The following ADGRL2 variants were observed in gnomAD, a reference collection of about 807,000 sequenced individuals.
The protein encoded by ADGRL2 is calcium-independent alpha-latrotoxin receptor 2.
A neutral mutation model predicts 157.4 loss-of-function variants in ADGRL2; 44 were observed. The observed-to-expected ratio is 0.28, with a 90% CI of 0.22 to 0.36. The LOEUF (loss-of-function observed/expected upper bound fraction) is 0.36. ADGRL2 is among the 10% of genes least tolerant of loss of function. ADGRL2 has a pLI of 1.00. For synonymous variants in ADGRL2, 585 were observed against 624.7 expected, an observed-to-expected ratio of 0.94 and a Z score of 0.95; for missense variants, 1,510 against 1,768.9, an observed-to-expected ratio of 0.85 and a Z score of 2.63.
At chr1:81,540,317 TTA>T (rs1423125964) in intron 2 of ADGRL2, among the ~76,000 whole-genome samples, 4 of 152,206 alleles carry the variant, frequency 2.6e-5, no homozygotes, top group African/African-American at 9.6e-5. Context: ...AAAATTTACT[TTA>T]GATTTTTGTC....
rs56920139 is a variant in ADGRL2 at position 81,463,114 on chromosome 1, C to CAAAAA, written c.-248+18041_-248+18045dup. ...TGGGCAATAGAGTGAGACCATGTCT[C>CAAAAA]AAAAAAAAAAAAAAAAAAAAGAAAA... On this transcript the variant is annotated intron_variant, in intron 2 of 24. Transcript: ENST00000370721. Among the ~76,000 whole-genome samples, 52 of 93,544 alleles carry CAAAAA rather than the reference C, an allele frequency of 5.6e-4. 1 individual carries two copies. The highest frequency in any genetic ancestry group is 1.4e-3 in the East Asian group (4 of 2,934). 61.4% of individuals were successfully genotyped at this position (93,544 alleles called of 152,430 possible).
intron 1 of ADGRL2, among the ~76,000 whole-genome samples, chr1:81,327,477 C>T (rs1363385653): frequency 1.3e-5 from 2 of 152,148 alleles, no homozygotes; most frequent in African/African-American, 4.8e-5. Context: ...CTATCCAAAG[C>T]AGTCCCTGGT....
At chr1:81,309,875 A>G (rs896491810) in intron 1 of ADGRL2, among the ~76,000 whole-genome samples, 7 of 152,188 alleles carry the variant, frequency 4.6e-5, no homozygotes, top group African/African-American at 1.7e-4. Context: ...TAAAGTGCTC[A>G]GTAATGATGG....
At chr1:81,755,459 C>A (rs2085656148) in intron 1 of ADGRL2, among the ~76,000 whole-genome samples, 1 of 151,894 alleles carries the variant, frequency 6.6e-6, no homozygotes. Flanking sequence ...CATTTCAAGT[C>A]TTTTAAAGAA....
chr1:81,374,141 C>T (rs2076206205), intron 1 of ADGRL2, among the ~76,000 whole-genome samples: 1 of 152,094 alleles, frequency 6.6e-6, no homozygotes, highest in Admixed American at 6.5e-5. Flanking sequence ...GTAAGCTTAG[C>T]TATACATATA....
At chr1:81,627,598 G>A (rs958813391) in intron 3 of ADGRL2, among the ~76,000 whole-genome samples, 4 of 152,100 alleles carry the variant, frequency 2.6e-5, no homozygotes, top group Non-Finnish European at 4.4e-5. Flanking sequence ...CTATGAAGAA[G>A]CTGAGGCTCA....
At chr1:81,536,504 C>A (rs2079740791) in intron 2 of ADGRL2, among the ~76,000 whole-genome samples, 1 of 152,176 alleles carries the variant, frequency 6.6e-6, no homozygotes, top group Non-Finnish European at 1.5e-5. Context: ...TAAAACAAAG[C>A]ACTGAAATGG....
At chr1:81,586,055 A>C (rs1404596984) in intron 3 of ADGRL2, 4 of 152,070 alleles carry the variant, frequency 2.6e-5, no homozygotes, top group African/African-American at 9.7e-5. Context: ...ACCTTTTTTT[A>C]ATACCAGCTA....
chr1:81,770,256 G>A (rs776301489), intron 2 of ADGRL2, among the ~76,000 whole-genome samples: 5 of 142,094 alleles, frequency 3.5e-5, no homozygotes, highest in Non-Finnish European at 7.6e-5. Flanking sequence ...TCTGCCTCCC[G>A]GGTTTAAGCG....
At chr1:81,604,600 G>A (rs942690254) in intron 3 of ADGRL2, among the ~76,000 whole-genome samples, 5 of 152,160 alleles carry the variant, frequency 3.3e-5, no homozygotes, top group South Asian at 2.1e-4. Flanking sequence ...AAGATTTCCT[G>A]GGATACAAGA....
intron 1 of ADGRL2, among the ~76,000 whole-genome samples, chr1:81,720,079 T>C (rs1388657189): frequency 6.6e-6 from 1 of 152,152 alleles, no homozygotes; most frequent in Admixed American, 6.5e-5. Flanking sequence ...GCTGCTGAGG[T>C]TGCCAGAGTG....
At chr1:81,373,706 A>G (rs2076198905) in intron 1 of ADGRL2, among the ~76,000 whole-genome samples, 1 of 152,246 alleles carries the variant, frequency 6.6e-6, no homozygotes, top group African/African-American at 2.4e-5. Flanking sequence ...AGTCAGCCTG[A>G]AAAACATCTC....
intron 3 of ADGRL2, among the ~76,000 whole-genome samples, chr1:81,598,029 G>A (rs1557493649): frequency 6.6e-6 from 1 of 152,156 alleles, no homozygotes; most frequent in Non-Finnish European, 1.5e-5. Context: ...CCTATCTTTG[G>A]TTGAAGTCTG....
At chr1:81,381,536 G>A (rs74095611) in intron 1 of ADGRL2, among the ~76,000 whole-genome samples, 2,032 of 152,090 alleles carry the variant, frequency 0.013, 49 homozygotes, top group African/African-American at 0.047. Flanking sequence ...GTGATCCACT[G>A]CACTCCAGCC....
intron 6 of ADGRL2, among the ~76,000 whole-genome samples, chr1:81,947,310 G>A (rs1252701261): frequency 1.3e-5 from 2 of 152,016 alleles, no homozygotes; most frequent in Admixed American, 6.6e-5. Flanking sequence ...TTTCCAAATT[G>A]TTATTCTTTT....
intron 1 of ADGRL2, among the ~76,000 whole-genome samples, chr1:81,743,035 C>T (rs575327423): frequency 2.0e-5 from 3 of 151,762 alleles, no homozygotes; most frequent in East Asian, 3.9e-4. Flanking sequence ...TTTTTTAAGG[C>T]ACCGTTCTTG....
At chr1:81,808,585 G>A (rs2089458484) in intron 1 of ADGRL2, among the ~76,000 whole-genome samples, 1 of 151,658 alleles carries the variant, frequency 6.6e-6, no homozygotes, top group African/African-American at 2.4e-5. Context: ...ATATTCCTTG[G>A]ATTTATTATC....
upstream of ADGRL2, among the ~76,000 whole-genome samples, chr1:81,797,643 G>A (rs1167478004): frequency 6.6e-6 from 1 of 152,088 alleles, no homozygotes; most frequent in African/African-American, 2.4e-5. Context: ...TTATTCTTAT[G>A]TATATTTTAA....
At chr1:81,311,930 G>A (rs1476393189) in intron 1 of ADGRL2, among the ~76,000 whole-genome samples, 1 of 152,182 alleles carries the variant, frequency 6.6e-6, no homozygotes, top group Non-Finnish European at 1.5e-5. Flanking sequence ...GGGAAGAGAT[G>A]AGGAGAGGAG....
Sources: gnomAD v4.1 joint callset for allele counts (sites outside exome capture counted in the v4.1 genomes callset) on GRCh38, gnomAD v4.1.1 for gene constraint, MANE v1.5 for transcripts, NCBI Gene and HGNC (gene_info 2026-07-23, HGNC 2026-07-21) for gene names.